Variants in PDS5A observed in about 807,000 individuals in gnomAD.
PDS5A encodes the protein PDS5 cohesin associated factor A, also known as sister chromatid cohesion protein PDS5 homolog A.
PDS5A carries 42 observed loss-of-function variants against 167.1 expected under a neutral mutation model. The ratio of observed to expected loss-of-function variants is 0.25; its 90% CI spans 0.20 to 0.33. The LOEUF is 0.33. Among genes scored for constraint, PDS5A ranks in the 10% least tolerant of loss-of-function variants. The pLI is 1.00. For missense variants in PDS5A, 1,033 were observed against 1,605.9 expected (o/e 0.64, Z 6.10); for synonymous variants, 553 against 554.6 (o/e 1.00, Z 0.04).
chr4:39,857,810 C>T (rs535974005), intron 26 of PDS5A, among the ~76,000 whole-genome samples: 1 of 152,058 alleles, frequency 6.6e-6, no homozygotes, highest in South Asian at 2.1e-4. Context: ...GAACTGGAGA[C>T]ACCAATAACC....
intron 10 of PDS5A, among the ~76,000 whole-genome samples, chr4:39,909,102 C>G (rs1439606865): frequency 1.1e-5 from 1 of 92,052 alleles, no homozygotes; most frequent in South Asian, 4.4e-4. Context: ...AAATACTTCA[C>G]AGTTACATCT....
Position 39,901,137 on chromosome 4 carries a change from C to T in PDS5A, c.1500-630G>A, listed in dbSNP as rs186639236. ...TCTGAGAATTACTAATCTCTAAACA[C>T]TCTTTGTCAGATATTTTGAAATGTA... On this transcript the variant is annotated intron_variant, in intron 13 of 32. Transcript: ENST00000303538. Among the ~76,000 whole-genome samples, 7 of 152,250 alleles carry T rather than the reference C, an allele frequency of 4.6e-5. 1 individual carries two copies. The East Asian group carries it at 1.3e-3, about 29-fold the overall frequency.
chr4:39,949,259 G>A (rs1280697517), intron 2 of PDS5A, among the ~76,000 whole-genome samples: 1 of 133,508 alleles, frequency 7.5e-6, no homozygotes, highest in Non-Finnish European at 1.5e-5. Flanking sequence ...CCCAGATGGA[G>A]CCACTACATT....
chr4:39,847,612 T>C (rs569200905), intron 28 of PDS5A: 49 of 152,158 alleles, frequency 3.2e-4, no homozygotes, highest in African/African-American at 9.9e-4. Context: ...AAAATTTTTT[T>C]TATACAGATC....
At chr4:39,850,696 T>A (rs2109519114) in intron 26 of PDS5A, among the ~76,000 whole-genome samples, 1 of 152,236 alleles carries the variant, frequency 6.6e-6, no homozygotes, top group Non-Finnish European at 1.5e-5. Context: ...AATTAAGGAG[T>A]CACAATCTCA....
chr4:39,960,287 C>A (rs1729361386), intron 2 of PDS5A, among the ~76,000 whole-genome samples: 1 of 151,860 alleles, frequency 6.6e-6, no homozygotes, highest in African/African-American at 2.4e-5. Flanking sequence ...AAAACAAAAA[C>A]AACAAAAACA....
intron 32 of PDS5A, among the ~76,000 whole-genome samples, chr4:39,831,302 T>C (rs1267848637): frequency 1.3e-5 from 2 of 152,148 alleles, no homozygotes; most frequent in Non-Finnish European, 1.5e-5. Flanking sequence ...AGTTTCACCA[T>C]ATTGGCCAGG....
intron 2 of PDS5A, among the ~76,000 whole-genome samples, chr4:39,930,246 A>ATTTTTTTT: frequency 3.2e-5 from 3 of 93,166 alleles, no homozygotes; most frequent in Non-Finnish European, 4.5e-5. Flanking sequence ...AAAAAAAAAA[A>ATTTTTTTT]GTTTTTTTGT....
At chr4:39,939,381 C>T (rs1008529620) in intron 2 of PDS5A, among the ~76,000 whole-genome samples, 1 of 152,090 alleles carries the variant, frequency 6.6e-6, no homozygotes, top group Non-Finnish European at 1.5e-5. Context: ...ATGGGAGGAT[C>T]GCTTGAACCT....
At chr4:39,848,798 T>C (rs1299191527) in intron 28 of PDS5A, 53 bp downstream of exon 28, 10 of 1,462,082 alleles carry the variant, frequency 6.8e-6, no homozygotes, top group South Asian at 3.6e-5. Flanking sequence ...TTGATGGTAA[T>C]TGACATTGAA....
intron 23 of PDS5A, among the ~76,000 whole-genome samples, 158 bp from the exon 24 acceptor site, chr4:39,863,617 C>T (rs530861489): frequency 5.3e-5 from 8 of 152,150 alleles, no homozygotes; most frequent in African/African-American, 1.9e-4. Context: ...GAACTTAACA[C>T]AGGGGATTGT....
At chr4:39,962,941 G>A (rs1311449990) in intron 2 of PDS5A, among the ~76,000 whole-genome samples, 5 of 151,432 alleles carry the variant, frequency 3.3e-5, no homozygotes, top group African/African-American at 7.3e-5. Context: ...CAGCCTGGGC[G>A]ACAGAGCAAA....
chr4:39,906,122 G>A (rs990257887), intron 11 of PDS5A, among the ~76,000 whole-genome samples: 2 of 152,172 alleles, frequency 1.3e-5, no homozygotes, highest in Non-Finnish European at 2.9e-5. Context: ...CACTTTGGGA[G>A]GTGGAGGTGG....
intron 2 of PDS5A, among the ~76,000 whole-genome samples, chr4:39,943,083 A>G (rs1319125637): frequency 3.3e-5 from 5 of 151,774 alleles, no homozygotes; most frequent in Non-Finnish European, 7.4e-5. Flanking sequence ...CTGAGAACAG[A>G]AATGCCTCCA....
At chr4:39,920,296 T>C (rs1724832220) in intron 7 of PDS5A, 23 bp downstream of exon 7, 1 of 1,020,788 alleles carries the variant, frequency 9.8e-7, no homozygotes, top group Non-Finnish European at 1.5e-6. Flanking sequence ...AAATATAGAA[T>C]AAACATAGAA....
intron 2 of PDS5A, among the ~76,000 whole-genome samples, chr4:39,930,247 G>GT (rs1258661213): frequency 0.03 from 1,857 of 61,356 alleles, 93 homozygotes; most frequent in Middle Eastern, 0.045. Flanking sequence ...AAAAAAAAAA[G>GT]TTTTTTTGTT....
In PDS5A at chr4:39,863,912, C is replaced by T. The variant is rs1194882341; in HGVS notation, c.2643-453G>A. Among the ~76,000 whole-genome samples the T allele has an allele frequency of 3.9e-5, 6 of 152,150 alleles. No individual in the cohort carries two copies. In the East Asian group the frequency reaches 7.7e-4, roughly 20 times the overall value. ...TTGGGAGGCCGAGGTGGACGGATCA[C>T]GAGGTCAAGAGATTGAGACCATCCT... On this transcript the variant is annotated intron_variant, in intron 23 of 32. Transcript: ENST00000303538.
chr4:39,881,598 T>C (rs1402144801), intron 17 of PDS5A, among the ~76,000 whole-genome samples: 1 of 152,186 alleles, frequency 6.6e-6, no homozygotes. Context: ...TACAACTCAA[T>C]GGTGTTTACT....
intron 2 of PDS5A, among the ~76,000 whole-genome samples, chr4:39,957,715 A>AG (rs2109800417): frequency 6.9e-6 from 1 of 145,902 alleles, no homozygotes; most frequent in South Asian, 2.3e-4. Context: ...GAACCCGGCT[A>AG]GGCAGAGCTT....
Sources: gnomAD v4.1 joint callset for allele counts (sites outside exome capture counted in the v4.1 genomes callset) on GRCh38, gnomAD v4.1.1 for gene constraint, MANE v1.5 for transcripts, NCBI Gene and HGNC (gene_info 2026-07-23, HGNC 2026-07-21) for gene names.